ABCA6: variants seen among roughly 807,000 people sequenced by gnomAD.
ABCA6 encodes the protein ATP binding cassette subfamily A member 6.
In ABCA6, 164 loss-of-function variants were observed where a neutral mutation model predicts 191.2. The ratio of observed to expected loss-of-function variants is 0.86; its 90% CI spans 0.76 to 0.98. The LOEUF (loss-of-function observed/expected upper bound fraction) is 0.98. Among genes scored for constraint, ABCA6 ranks in the 50% least tolerant of loss-of-function variants. The pLI is 0.00. For synonymous variants in ABCA6, 636 were observed against 647.7 expected (o/e 0.98, Z 0.27); for missense variants, 1,958 against 1,894.1 (o/e 1.03, Z -0.63).
At chr17:69,122,910 C>T (rs1271217007) in intron 10 of ABCA6, among the ~76,000 whole-genome samples, 2 of 150,382 alleles carry the variant, frequency 1.3e-5, no homozygotes, top group Non-Finnish European at 2.9e-5. Flanking sequence ...CTGATGCTCT[C>T]GGTTAATAAT....
intron 37 of ABCA6, among the ~76,000 whole-genome samples, chr17:69,079,513 T>C (rs1460268719): frequency 1.3e-5 from 2 of 152,216 alleles, no homozygotes; most frequent in African/African-American, 4.8e-5. Flanking sequence ...CGTGCGTATG[T>C]CTTTGGAAGA....
intron 2 of ABCA6, 47 bp downstream of exon 2, chr17:69,140,561 C>A: frequency 8.4e-7 from 1 of 1,196,566 alleles, no homozygotes; most frequent in Non-Finnish European, 1.2e-6. Flanking sequence ...GGTAATGAAA[C>A]ACTGTAAGAG....
chr17:69,112,268 T>C lies in ABCA6; in HGVS notation c.2047A>G (p.Lys683Glu), dbSNP rs369813955. ...MDEADILADR[K>E]VIMSNGRLKC... The stretch of plus-strand genomic sequence containing the variant: ...AGTCTCCCATTGGACATGATCACTT[T>C]TCTATCTGAATGAAAGAAATCAAGG... Residue 683 changes from lysine to glutamate, a missense_variant, in exon 16 of 39, where the codon AAA becomes GAA. Coordinates refer to ENST00000284425, the MANE Select transcript of ABCA6 (RefSeq NM_080284.3). The C allele has an allele frequency of 6.2e-7, 1 of 1,610,276 alleles. No individual in the cohort carries two copies. Among genetic ancestry groups the C allele is most frequent in the African/African-American group, 1.3e-5 (1 of 74,640 alleles).
Position 69,137,328 on chromosome 17 carries a change from A to T in ABCA6, c.269T>A (p.Met90Lys). The T allele has an allele frequency of 6.2e-7, 1 of 1,613,308 alleles. No homozygotes were observed. Among genetic ancestry groups the T allele is most frequent in the South Asian group, 1.1e-5 (1 of 91,054 alleles). The change falls in exon 3 of 39, where the codon ATG becomes AAG. Residue 90 changes from methionine (M) to lysine (K), a missense_variant. Coordinates refer to ENST00000284425, the MANE Select transcript of ABCA6 (RefSeq NM_080284.3). The stretch of plus-strand genomic sequence containing the variant: ...AAGAGGAGCAAGTGCTGTTTTATTC[A>T]TTATCTGCTGGGTTAAATTAGATAT... ...TPISNLTQQIMNKTALAPLLK... is the reference protein window; with the variant it reads ...TPISNLTQQIKNKTALAPLLK...
At chr17:69,079,678 C>T (rs1695745904) in intron 37 of ABCA6, among the ~76,000 whole-genome samples, 1 of 152,174 alleles carries the variant, frequency 6.6e-6, no homozygotes, top group Admixed American at 6.5e-5. Flanking sequence ...AAAAAGTCTG[C>T]ATGACAGTTG....
At chr17:69,091,088 C>A in intron 26 of ABCA6, 55 bp downstream of exon 26, 7 of 1,555,760 alleles carry the variant, frequency 4.5e-6, no homozygotes, top group Non-Finnish European at 6.1e-6. Flanking sequence ...CTGGGAAAAG[C>A]ACTTTAATAA....
chr17:69,107,465 G>A (rs1437668321), intron 18 of ABCA6, among the ~76,000 whole-genome samples: 1 of 152,150 alleles, frequency 6.6e-6, no homozygotes, highest in Non-Finnish European at 1.5e-5. Context: ...GGGAACATCT[G>A]AGGATAGGAA....
intron 10 of ABCA6, among the ~76,000 whole-genome samples, chr17:69,121,274 C>A (rs1014518580): frequency 2.6e-5 from 4 of 152,158 alleles, no homozygotes; most frequent in African/African-American, 9.6e-5. Context: ...ACTGCATATA[C>A]TGTTGGATGG....
intron 25 of ABCA6, among the ~76,000 whole-genome samples, chr17:69,092,434 C>T (rs2072946955): frequency 6.6e-6 from 1 of 152,176 alleles, no homozygotes; most frequent in Non-Finnish European, 1.5e-5. Flanking sequence ...TTCTACCAGA[C>T]CTCCATATTT....
At chr17:69,130,942 TA>T (rs1159572700) in intron 6 of ABCA6, among the ~76,000 whole-genome samples, 1 of 152,214 alleles carries the variant, frequency 6.6e-6, no homozygotes, top group African/African-American at 2.4e-5. Context: ...CACCCTTAAA[TA>T]TTTGCACGAT....
intron 17 of ABCA6, chr17:69,108,050 A>G (rs1426430511): frequency 2.4e-6 from 1 of 423,236 alleles, no homozygotes; most frequent in South Asian, 2.8e-5. Context: ...TCAGTTTATG[A>G]GCTTCCTGCA....
Position 69,088,182 on chromosome 17 carries a change from T to G in ABCA6, c.3683A>C (p.Lys1228Thr). The G allele has an allele frequency of 1.2e-6, 2 of 1,611,642 alleles. No individual in the cohort carries two copies. The highest frequency in any genetic ancestry group is 1.7e-6 in the Non-Finnish European group (2 of 1,179,058). ...ELKCGKKRMR[K>T]DPVFRISPQS... ...TCACCCCAACCTGAAAACAGGATCT[T>G]TTCGCATTCTTTTCTTTCCACATTT... Residue 1228 changes from lysine to threonine, a missense_variant, in exon 28 of 39, where the codon AAA (lysine) becomes ACA (threonine). Transcript: ENST00000284425.
At chr17:69,082,091 C>G (rs534980280) in intron 36 of ABCA6, among the ~76,000 whole-genome samples, 10 of 152,248 alleles carry the variant, frequency 6.6e-5, no homozygotes, top group African/African-American at 2.2e-4. Context: ...CATTTTTGAT[C>G]TTCCCACCTA....
In ABCA6 at chr17:69,089,531, CT is replaced by C; in HGVS notation, c.3539del (p.Glu1180GlyfsTer13). 1 of 1,612,960 alleles carries C rather than the reference CT, an allele frequency of 6.2e-7. No homozygotes were observed. Among genetic ancestry groups the C allele is most frequent in the Non-Finnish European group, 8.5e-7 (1 of 1,179,642 alleles). On this transcript the variant is annotated frameshift_variant, in exon 27 of 39. Transcript: ENST00000284425. LOFTEE classifies it high-confidence loss of function. ...FKTFLEVRDQ[E>X]HYREFPEANF... is the part of the protein sequence containing the mutation. The stretch of plus-strand genomic sequence containing the variant: ...TTGCCTCTGGAAATTCTCTGTAGTG[CT>C]CCTGGTCTCTCTGAAAAGACAAAAC...
intron 26 of ABCA6, 129 bp downstream of exon 26, chr17:69,091,014 C>T (rs746912120): frequency 3.3e-6 from 3 of 900,398 alleles, no homozygotes; most frequent in East Asian, 2.8e-5. Context: ...TCATCATCCC[C>T]CCAAAATCTC....
At chr17:69,134,309 T>C (rs1210719932) in intron 5 of ABCA6, among the ~76,000 whole-genome samples, 3 of 152,018 alleles carry the variant, frequency 2.0e-5, no homozygotes, top group Non-Finnish European at 4.4e-5. Context: ...GTCATGAGGG[T>C]GGAGCCCTCA....
chr17:69,090,595 T>C (rs1033709696), intron 26 of ABCA6, among the ~76,000 whole-genome samples: 5 of 152,210 alleles, frequency 3.3e-5, no homozygotes, highest in Admixed American at 2.0e-4. Context: ...TTGTATTAAC[T>C]TGAGTAAGTT....
At chr17:69,088,459 G>C (rs1168965005) in intron 27 of ABCA6, among the ~76,000 whole-genome samples, 3 of 152,014 alleles carry the variant, frequency 2.0e-5, no homozygotes, top group South Asian at 4.2e-4. Context: ...TATTCAGTTT[G>C]TAAGTAAATT....
rs1174603247 is a variant in ABCA6 at position 69,128,513 on chromosome 17, T to C, written c.1119+106A>G. 9.0e-6 allele frequency: 7 copies of C among 779,600 alleles called. No individual in the cohort carries two copies. In the East Asian group the frequency reaches 1.8e-4, roughly 21 times the overall value. The allele number at this position is 779,600 out of a possible 1,614,324, so 48.3% of individuals were successfully genotyped here. ...ATTTTAAAGCTTAACTTTAGAAAAA[T>C]TGTTTAGAATAAAAGCTCTTAGTTT... On this transcript the variant is annotated intron_variant, in intron 8 of 38. Transcript: ENST00000284425.
Sources: allele counts gnomAD v4.1 joint callset (sites outside exome capture counted in the v4.1 genomes callset), GRCh38; gene constraint gnomAD v4.1.1; transcripts MANE v1.5; gene names NCBI Gene and HGNC (gene_info 2026-07-23, HGNC 2026-07-21).